The following PLA2G4A variants were observed in gnomAD, a reference collection of about 807,000 sequenced individuals.
PLA2G4A encodes cytosolic phospholipase A2.
In PLA2G4A, 40 loss-of-function variants were observed where a neutral mutation model predicts 81.9. That is an observed-to-expected ratio of 0.49 (90% confidence interval 0.38 to 0.64). The LOEUF (loss-of-function observed/expected upper bound fraction) is 0.64. PLA2G4A is among the 30% of genes least tolerant of loss of function. The pLI, the probability that PLA2G4A is intolerant of heterozygous loss-of-function variation, is 0.00. For synonymous variants in PLA2G4A, 302 were observed against 296.9 expected, an observed-to-expected ratio of 1.02 and a Z score of -0.18; for missense variants, 715 against 905.1, an observed-to-expected ratio of 0.79 and a Z score of 2.69.
chr1:186,939,171 C>T lies in PLA2G4A; in HGVS notation c.859C>T (p.Gln287Ter). Residue 287 changes from glutamine (Q) to a stop codon, truncating the protein, a stop_gained, in exon 9 of 18, where the codon CAA becomes TAA. Coordinates refer to ENST00000367466, the MANE Select transcript of PLA2G4A (RefSeq NM_024420.3). LOFTEE classifies it high-confidence loss of function. ...TTTATGGAAGAAGAAAAGCTCTGGA[C>T]AACCTGTCACCTTTACTGATATCTT... is the stretch of plus-strand genomic sequence containing the variant. ...ESLWKKKSSG[Q>*]PVTFTDIFGM... 6.2e-7 allele frequency: 1 copy of T among 1,609,054 alleles called. No homozygotes were observed. Among genetic ancestry groups the T allele is most frequent in the Non-Finnish European group, 8.5e-7 (1 of 1,175,626 alleles).
intron 3 of PLA2G4A, among the ~76,000 whole-genome samples, chr1:186,889,906 A>T (rs562939860): frequency 1.3e-5 from 2 of 152,174 alleles, no homozygotes; most frequent in African/African-American, 4.8e-5. Context: ...GAGGAACATG[A>T]TGTAATAAGA....
At chr1:186,909,739 T>G (rs1283377827) in intron 6 of PLA2G4A, among the ~76,000 whole-genome samples, 1 of 151,634 alleles carries the variant, frequency 6.6e-6, no homozygotes, top group Non-Finnish European at 1.5e-5. Flanking sequence ...TCATATTTAA[T>G]AATTGTATAA....
chr1:186,958,438 T>G (rs997370002), intron 14 of PLA2G4A, among the ~76,000 whole-genome samples: 6 of 152,132 alleles, frequency 3.9e-5, no homozygotes, highest in Non-Finnish European at 8.8e-5. Flanking sequence ...AACGTATGCT[T>G]TATAGATTAA....
Position 186,893,138 on chromosome 1 carries a change from T to C in PLA2G4A, c.243T>C (p.Pro81=), listed in dbSNP as rs1654205858. 2 of 1,605,088 alleles carry C rather than the reference T, an allele frequency of 1.2e-6. No individual in the cohort carries two copies. The highest frequency in any genetic ancestry group is 1.7e-6 in the Non-Finnish European group (2 of 1,171,826). The part of the protein sequence containing the change: ...WNETFEFILD[P]NQENVLEITL... Reference sequence around the variant, plus strand: ...AGACCTTTGAATTTATTTTGGATCCTAATCAGGAAAATGTTTTGGAGGTAA... The same window carrying C: ...AGACCTTTGAATTTATTTTGGATCCCAATCAGGAAAATGTTTTGGAGGTAA... Residue 81 remains proline, a synonymous_variant, in exon 4 of 18, where the codon CCT becomes CCC. Coordinates refer to ENST00000367466, the MANE Select transcript of PLA2G4A (RefSeq NM_024420.3).
At chr1:186,851,790 C>A (rs888447026) in intron 1 of PLA2G4A, among the ~76,000 whole-genome samples, 1 of 151,662 alleles carries the variant, frequency 6.6e-6, no homozygotes, top group Admixed American at 6.6e-5. Flanking sequence ...AATGTAGTTT[C>A]AAAAATACTT....
intron 3 of PLA2G4A, among the ~76,000 whole-genome samples, chr1:186,891,147 CTT>C (rs1654123118): frequency 6.7e-6 from 1 of 150,026 alleles, no homozygotes; most frequent in African/African-American, 2.5e-5. Flanking sequence ...TTCTTTTTTA[CTT>C]TTTACTTTTA....
intron 17 of PLA2G4A, among the ~76,000 whole-genome samples, chr1:186,984,341 G>C (rs1023649640): frequency 6.6e-6 from 1 of 151,994 alleles, no homozygotes; most frequent in Admixed American, 6.6e-5. Flanking sequence ...TTCTTTTCTA[G>C]GACCTGTTAA....
At chr1:186,845,223 A>G (rs1041515276) in intron 1 of PLA2G4A, among the ~76,000 whole-genome samples, 1 of 151,990 alleles carries the variant, frequency 6.6e-6, no homozygotes, top group Non-Finnish European at 1.5e-5. Context: ...AAAACAAACA[A>G]ACAAACAAAA....
intron 15 of PLA2G4A, among the ~76,000 whole-genome samples, chr1:186,972,934 T>C (rs2102288476): frequency 6.6e-6 from 1 of 152,348 alleles, no homozygotes; most frequent in East Asian, 1.9e-4. Flanking sequence ...GGGCATGACC[T>C]GTTTTAGAAT....
chr1:186,962,042 C>T (rs948385037), intron 14 of PLA2G4A, among the ~76,000 whole-genome samples: 7 of 152,184 alleles, frequency 4.6e-5, no homozygotes, highest in African/African-American at 1.7e-4. Context: ...ATGCTACCTG[C>T]CCGTTAGTGA....
intron 3 of PLA2G4A, among the ~76,000 whole-genome samples, chr1:186,880,929 G>T (rs1653707818): frequency 6.6e-6 from 1 of 151,940 alleles, no homozygotes; most frequent in Admixed American, 6.6e-5. Flanking sequence ...TTCTGTTTTA[G>T]ATCTACATTT....
At chr1:186,897,052 G>A (rs751142440) in intron 5 of PLA2G4A, among the ~76,000 whole-genome samples, 2 of 152,190 alleles carry the variant, frequency 1.3e-5, no homozygotes, top group South Asian at 4.1e-4. Context: ...GAGAAGAGAT[G>A]TAAGCCTTGA....
chr1:186,893,916 C>CT (rs1654239015), intron 4 of PLA2G4A, among the ~76,000 whole-genome samples, 182 bp from the exon 5 acceptor site: 2 of 70,916 alleles, frequency 2.8e-5, no homozygotes, highest in Admixed American at 1.9e-4. Context: ...GAGACCCTGT[C>CT]TCAAAAAAAA....
chr1:186,916,850 A>G (rs1655155302), intron 7 of PLA2G4A, among the ~76,000 whole-genome samples: 1 of 152,222 alleles, frequency 6.6e-6, no homozygotes, highest in Non-Finnish European at 1.5e-5. Flanking sequence ...TCCTCCATGC[A>G]GGGAAAATCA....
chr1:186,933,354 G>T lies in PLA2G4A; in HGVS notation c.695+455G>T, dbSNP rs537043249. Among the ~76,000 whole-genome samples the T allele has an allele frequency of 2.0e-5, 3 of 152,092 alleles. No homozygotes were observed. In the East Asian group the frequency reaches 5.8e-4, roughly 29 times the overall value. ...AAGATACCATAGTATACAGAACAAA[G>T]AAAACAATTTTTTTGAATATAGAAA... On this transcript the variant is annotated intron_variant, in intron 8 of 17. Transcript: ENST00000367466.
chr1:186,855,164 A>G (rs1021165061), intron 2 of PLA2G4A, among the ~76,000 whole-genome samples: 1 of 151,898 alleles, frequency 6.6e-6, no homozygotes. Flanking sequence ...TCCATTCACA[A>G]CTTGAATCAT....
intron 8 of PLA2G4A, among the ~76,000 whole-genome samples, chr1:186,935,780 C>A (rs1350397116): frequency 6.6e-6 from 1 of 151,948 alleles, no homozygotes; most frequent in African/African-American, 2.4e-5. Context: ...CTTTTATATT[C>A]TGCTGATACA....
intron 15 of PLA2G4A, among the ~76,000 whole-genome samples, chr1:186,968,896 G>C (rs1471318645): frequency 1.3e-4 from 2 of 14,844 alleles, no homozygotes; most frequent in African/African-American, 1.2e-4. Context: ...TATTAAAGAC[G>C]AAGTAAAAAA....
chr1:186,891,517 T>C (rs757625100), intron 3 of PLA2G4A, among the ~76,000 whole-genome samples: 20 of 152,162 alleles, frequency 1.3e-4, no homozygotes, highest in Non-Finnish European at 2.1e-4. Flanking sequence ...TTCAACTGTT[T>C]TGATTCTTAG....
Sources: allele counts gnomAD v4.1 joint callset (sites outside exome capture counted in the v4.1 genomes callset), GRCh38; gene constraint gnomAD v4.1.1; transcripts MANE v1.5; gene names NCBI Gene and HGNC (gene_info 2026-07-23, HGNC 2026-07-21).